The following SORCS2 variants were observed in gnomAD, a reference collection of about 807,000 sequenced individuals.
SORCS2 encodes sortilin related VPS10 domain containing receptor 2.
A neutral mutation model predicts 141.6 loss-of-function variants in SORCS2; 100 were observed. The ratio of observed to expected loss-of-function variants is 0.71; its 90% confidence interval spans 0.60 to 0.83. SORCS2 has a LOEUF of 0.83. SORCS2 is among the 40% of genes least tolerant of loss of function. The probability of loss-of-function intolerance (pLI) is 0.00; values close to 1 mark genes in which losing one functional copy is unlikely to be tolerated. For missense variants in SORCS2, 1,646 were observed against 1,560.2 expected, an observed-to-expected ratio of 1.05 and a Z score of -0.93; for synonymous variants, 789 against 676.9, an observed-to-expected ratio of 1.17 and a Z score of -2.57.
At position 7,254,988 on chromosome 4, in the gene SORCS2, GT is replaced by G. The variant is rs1210904165; in HGVS notation, c.480+61863del. Among the ~76,000 whole-genome samples, 4 of 152,240 alleles carry G rather than the reference GT, an allele frequency of 2.6e-5. No homozygotes were observed. The East Asian group carries it at 7.7e-4, about 29-fold the overall frequency. The stretch of plus-strand genomic sequence containing the variant: ...GCAACGGGGAGAGCATGGGTGGGAG[GT>G]GTCTGCTGTGCACAGATGAGTATGT... On this transcript the variant is annotated intron_variant, in intron 1 of 26. Coordinates refer to ENST00000507866, the MANE Select transcript of SORCS2 (RefSeq NM_020777.3).
intron 9 of SORCS2, among the ~76,000 whole-genome samples, chr4:7,682,437 A>G (rs1022027008): frequency 6.6e-6 from 1 of 152,238 alleles, no homozygotes; most frequent in Non-Finnish European, 1.5e-5. Context: ...TCAGGGCTCC[A>G]GAACCCCACT....
At chr4:7,495,501 T>C (rs1424098289) in intron 2 of SORCS2, among the ~76,000 whole-genome samples, 1 of 152,130 alleles carries the variant, frequency 6.6e-6, no homozygotes, top group Non-Finnish European at 1.5e-5. Context: ...CACAGAGCAT[T>C]GTTGTGAGGT....
Position 7,193,584 on chromosome 4 carries a change from C to T in SORCS2, c.480+458C>T, listed in dbSNP as rs972151953. On this transcript the variant is annotated intron_variant, in intron 1 of 26. Coordinates refer to ENST00000507866, the MANE Select transcript of SORCS2 (RefSeq NM_020777.3). The surrounding 1 kb of genome is among the most constrained non-coding windows in gnomAD (Gnocchi z 4.8). ...GTCTACCAGGGACTCCGCGGTGGCG[C>T]CTCCGCAGGCTCCGGGACTTCCCCG... Among the ~76,000 whole-genome samples, 12 of 152,278 alleles carry T rather than the reference C, an allele frequency of 7.9e-5. No homozygotes were observed. The highest frequency in any genetic ancestry group is 1.9e-4 in the East Asian group (1 of 5,150).
chr4:7,339,115 G>A (rs1295131598), intron 1 of SORCS2, among the ~76,000 whole-genome samples: 1 of 152,234 alleles, frequency 6.6e-6, no homozygotes, highest in African/African-American at 2.4e-5. Context: ...GATGTGAACT[G>A]TGGCCCGTGA....
chr4:7,677,946 G>C (rs1723272505), intron 9 of SORCS2, among the ~76,000 whole-genome samples: 1 of 152,146 alleles, frequency 6.6e-6, no homozygotes, highest in African/African-American at 2.4e-5. Context: ...GCAGTGGGTG[G>C]GTGGTGATGG....
intron 1 of SORCS2, among the ~76,000 whole-genome samples, chr4:7,223,871 G>T (rs909968895): frequency 2.5e-4 from 15 of 59,902 alleles, no homozygotes; most frequent in African/African-American, 9.3e-4. Flanking sequence ...CTGTTAAGTG[G>T]CTGTTAAGTG....
At chr4:7,692,995 A>G (rs1444318906) in intron 11 of SORCS2, among the ~76,000 whole-genome samples, 2 of 152,130 alleles carry the variant, frequency 1.3e-5, no homozygotes, top group Non-Finnish European at 2.9e-5. Context: ...AAAGACAAAA[A>G]CTTGACTTTT....
chr4:7,403,997 A>ATATGTATATAT (rs1265288820), intron 2 of SORCS2, among the ~76,000 whole-genome samples: 1 of 19,006 alleles, frequency 5.3e-5, no homozygotes, highest in African/African-American at 1.5e-4. Context: ...ATATATATAT[A>ATATGTATATAT]TTTTTTTTTT....
chr4:7,518,813 C>G (rs746010559), intron 2 of SORCS2, among the ~76,000 whole-genome samples: 34 of 152,324 alleles, frequency 2.2e-4, no homozygotes, highest in African/African-American at 8.2e-4. Flanking sequence ...CCTGCCCCCC[C>G]GGCCCCCCAT....
At chr4:7,435,269 C>A (rs1727224943) in intron 2 of SORCS2, among the ~76,000 whole-genome samples, 1 of 152,162 alleles carries the variant, frequency 6.6e-6, no homozygotes, top group Admixed American at 6.5e-5. Context: ...GGCCTGGGTC[C>A]CCTCCTGGAA....
chr4:7,410,637 C>T (rs895833302), intron 2 of SORCS2, among the ~76,000 whole-genome samples: 7 of 152,212 alleles, frequency 4.6e-5, no homozygotes, highest in Non-Finnish European at 7.3e-5. Flanking sequence ...TCACCAGCTG[C>T]ATTTTTGCTC....
At chr4:7,391,028 G>C (rs993971329) in intron 1 of SORCS2, among the ~76,000 whole-genome samples, 4 of 152,172 alleles carry the variant, frequency 2.6e-5, no homozygotes, top group Admixed American at 6.5e-5. Context: ...AGTTTGTGTG[G>C]ATGGACACAA....
At chr4:7,575,692 C>T (rs540350081) in intron 3 of SORCS2, among the ~76,000 whole-genome samples, 9 of 152,188 alleles carry the variant, frequency 5.9e-5, no homozygotes, top group East Asian at 3.8e-4. Flanking sequence ...GGCTGGGAGC[C>T]GCTGGACTGG....
intron 2 of SORCS2, among the ~76,000 whole-genome samples, chr4:7,400,964 T>G (rs7434487): frequency 6.6e-6 from 1 of 151,886 alleles, no homozygotes; most frequent in Non-Finnish European, 1.5e-5. Context: ...GATGAATGGA[T>G]GGATGGATGA....
chr4:7,278,329 A>C (rs1715644849), intron 1 of SORCS2, among the ~76,000 whole-genome samples: 1 of 152,086 alleles, frequency 6.6e-6, no homozygotes. Flanking sequence ...GAGTTCACTG[A>C]GCGTGACGGG....
intron 3 of SORCS2, among the ~76,000 whole-genome samples, chr4:7,594,014 A>G (rs543535285): frequency 5.3e-5 from 8 of 152,288 alleles, no homozygotes; most frequent in African/African-American, 1.9e-4. Context: ...TCATTTATTG[A>G]GCCTCTCTTG....
intron 2 of SORCS2, among the ~76,000 whole-genome samples, chr4:7,474,063 C>T (rs560550827): frequency 3.4e-4 from 52 of 152,304 alleles, no homozygotes; most frequent in African/African-American, 1.0e-3. Flanking sequence ...GCTCCCTGGT[C>T]GGTTGATGGC....
At chr4:7,452,796 G>C (rs1240084820) in intron 2 of SORCS2, among the ~76,000 whole-genome samples, 1 of 152,236 alleles carries the variant, frequency 6.6e-6, no homozygotes, top group African/African-American at 2.4e-5. Context: ...ACGTGTTAGT[G>C]TCAGGCGCCA....
chr4:7,284,193 A>G (rs1402707409), intron 1 of SORCS2, among the ~76,000 whole-genome samples: 2 of 152,126 alleles, frequency 1.3e-5, no homozygotes, highest in Admixed American at 6.5e-5. Flanking sequence ...TTCAACTGGG[A>G]CAGGGCAGGA....
Sources: allele counts gnomAD v4.1 joint callset (sites outside exome capture counted in the v4.1 genomes callset), GRCh38; gene constraint gnomAD v4.1.1; non-coding constraint Gnocchi (gnomAD v3.1); transcripts MANE v1.5; gene names NCBI Gene and HGNC (gene_info 2026-07-23, HGNC 2026-07-21).